COG6: variants seen among roughly 807,000 people sequenced by gnomAD.
COG6 encodes conserved oligomeric Golgi complex subunit 6.
In COG6, 74 loss-of-function variants were observed where a neutral mutation model predicts 88.8. The observed-to-expected ratio is 0.83, with a 90% CI of 0.69 to 1.01. The LOEUF is 1.01. Among genes scored for constraint, COG6 ranks in the 50% least tolerant of loss-of-function variants. COG6 has a pLI of 0.00. For missense variants in COG6, 800 were observed against 797.9 expected (o/e 1.00, Z -0.03); for synonymous variants, 286 against 278.7 (o/e 1.03, Z -0.26).
chr13:39,705,174 A>G (rs968763923), intron 13 of COG6, among the ~76,000 whole-genome samples: 6 of 152,196 alleles, frequency 3.9e-5, no homozygotes, highest in Non-Finnish European at 7.4e-5. Flanking sequence ...ATTTTTGTTA[A>G]TAGAATTTTA....
In COG6 at chr13:39,751,383, A is replaced by G; in HGVS notation, c.*290A>G. On this transcript the variant is annotated 3_prime_UTR_variant, in exon 19 of 19. Transcript: ENST00000455146. ...CTGTATTCAGGAAGCATAAAGTAGTATGAAAGGTTTGAAGAATTTTTTTTT... is the reference window on the plus strand; with the variant it reads ...CTGTATTCAGGAAGCATAAAGTAGTGTGAAAGGTTTGAAGAATTTTTTTTT... 1 of 1,371,772 alleles carries G rather than the reference A, an allele frequency of 7.3e-7. No individual in the cohort carries two copies. The allele number at this position is 1,371,772 out of a possible 1,614,324, so 85.0% of individuals were successfully genotyped here.
intron 4 of COG6, among the ~76,000 whole-genome samples, chr13:39,674,555 T>G (rs1424641636): frequency 6.6e-6 from 1 of 152,150 alleles, no homozygotes; most frequent in African/African-American, 2.4e-5. Flanking sequence ...TACTGAAAAT[T>G]GATGTACATG....
At chr13:39,691,986 T>C (rs577598740) in intron 11 of COG6, among the ~76,000 whole-genome samples, 89 of 147,912 alleles carry the variant, frequency 6.0e-4, no homozygotes, top group Non-Finnish European at 1.1e-3. Flanking sequence ...TAAAAGGTTA[T>C]AGTGGTAATG....
intron 4 of COG6, among the ~76,000 whole-genome samples, chr13:39,674,131 A>G (rs920388425): frequency 2.0e-5 from 3 of 151,916 alleles, no homozygotes; most frequent in Non-Finnish European, 4.4e-5. Context: ...TTACATATGT[A>G]TACACGTGCC....
chr13:39,678,593 T>G (rs1488583167), intron 5 of COG6, among the ~76,000 whole-genome samples: 1 of 152,148 alleles, frequency 6.6e-6, no homozygotes, highest in Non-Finnish European at 1.5e-5. Flanking sequence ...TTGAAGACAT[T>G]CAATTTTTCC....
At chr13:39,739,976 A>C (rs969450248) in intron 18 of COG6, among the ~76,000 whole-genome samples, 3 of 152,194 alleles carry the variant, frequency 2.0e-5, no homozygotes, top group African/African-American at 7.2e-5. Flanking sequence ...ATATCTAATT[A>C]TAACAATGAA....
At chr13:39,711,477 A>C (rs1408846133) in intron 13 of COG6, among the ~76,000 whole-genome samples, 1 of 152,108 alleles carries the variant, frequency 6.6e-6, no homozygotes, top group Admixed American at 6.5e-5. Context: ...CTTTGGAGTC[A>C]ATGCTTGGGT....
chr13:39,722,854 C>G (rs1020347569), intron 15 of COG6, among the ~76,000 whole-genome samples: 1 of 152,014 alleles, frequency 6.6e-6, no homozygotes, highest in Non-Finnish European at 1.5e-5. Context: ...CTACTTGTCA[C>G]AGACCTGCCT....
chr13:39,723,045 T>C (rs1431979246), intron 15 of COG6, among the ~76,000 whole-genome samples: 1 of 152,104 alleles, frequency 6.6e-6, no homozygotes, highest in African/African-American at 2.4e-5. Flanking sequence ...ACTGTTGTTG[T>C]TTACTAGTGT....
chr13:39,692,653 C>T (rs1373363775), intron 11 of COG6, among the ~76,000 whole-genome samples: 1 of 152,040 alleles, frequency 6.6e-6, no homozygotes, highest in Admixed American at 6.6e-5. Context: ...CTTTCTCTTG[C>T]TCTCGCTTTT....
chr13:39,687,210 T>TAG (rs1876699022), intron 8 of COG6, among the ~76,000 whole-genome samples: 1 of 152,110 alleles, frequency 6.6e-6, no homozygotes, highest in Non-Finnish European at 1.5e-5. Flanking sequence ...TTTTCCTACT[T>TAG]TTACTAAGTC....
chr13:39,713,572 A>G lies in COG6; in HGVS notation c.1285-5664A>G, dbSNP rs564243946. On this transcript the variant is annotated intron_variant, in intron 13 of 18. Coordinates refer to ENST00000455146, the MANE Select transcript of COG6 (RefSeq NM_020751.3). ...AACAAGGTGAAACCCCGTCTCTACTAAAAATACAAAAAAATTAGCCGGGCA... is the reference window on the plus strand; with the variant it reads ...AACAAGGTGAAACCCCGTCTCTACTGAAAATACAAAAAAATTAGCCGGGCA... 8.5e-5 allele frequency among the ~76,000 whole-genome samples: 13 copies of G among 152,204 alleles called. No homozygotes were observed. In the South Asian group the frequency reaches 2.1e-3, roughly 24 times the overall value.
intron 18 of COG6, among the ~76,000 whole-genome samples, chr13:39,750,454 G>T (rs1466755146): frequency 3.9e-5 from 6 of 152,204 alleles, no homozygotes; most frequent in African/African-American, 1.4e-4. Flanking sequence ...GATATAGAGA[G>T]ATGAAGAGAA....
At chr13:39,702,092 C>CTGATGATCTGAAAATCATCTG (rs1411287799) in intron 13 of COG6, among the ~76,000 whole-genome samples, 1 of 151,852 alleles carries the variant, frequency 6.6e-6, no homozygotes, top group Non-Finnish European at 1.5e-5. Context: ...ATCTGAAAAT[C>CTGATGATCTGAAAATCATCTG]AGAATAAGAT....
intron 18 of COG6, among the ~76,000 whole-genome samples, chr13:39,770,880 G>A (rs1303133640): frequency 6.6e-6 from 1 of 152,122 alleles, no homozygotes; most frequent in Non-Finnish European, 1.5e-5. Context: ...ACTCTTTATT[G>A]CCAAGAGGTT....
chr13:39,775,080 G>A (rs1442010947), intron 18 of COG6, among the ~76,000 whole-genome samples: 1 of 152,202 alleles, frequency 6.6e-6, no homozygotes, highest in Non-Finnish European at 1.5e-5. Context: ...CAGCCTTGGA[G>A]GAAGTTCTGC....
intron 18 of COG6, 74 bp from the exon 19 acceptor site, chr13:39,750,872 C>A: frequency 8.7e-7 from 1 of 1,144,102 alleles, no homozygotes; most frequent in Non-Finnish European, 1.3e-6. Flanking sequence ...ATTGAAGTGT[C>A]AAGCTGTCTT....
At chr13:39,702,799 AAGCTAT>A (rs1404113892) in intron 13 of COG6, among the ~76,000 whole-genome samples, 1 of 152,126 alleles carries the variant, frequency 6.6e-6, no homozygotes, top group Admixed American at 6.6e-5. Context: ...ATCAACTAAA[AAGCTAT>A]ACAACCAGAA....
chr13:39,719,451 A>C, intron 14 of COG6, 84 bp downstream of exon 14: 1 of 1,363,484 alleles, frequency 7.3e-7, no homozygotes, highest in East Asian at 2.4e-5. Context: ...TGTAATTCAT[A>C]TACTTTGACA....
Sources: allele counts gnomAD v4.1 joint callset (sites outside exome capture counted in the v4.1 genomes callset), GRCh38; gene constraint gnomAD v4.1.1; transcripts MANE v1.5; gene names NCBI Gene and HGNC (gene_info 2026-07-23, HGNC 2026-07-21).